SIGLEC14: variants seen among roughly 807,000 people sequenced by gnomAD.
SIGLEC14 encodes sialic acid-binding Ig-like lectin 14.
Under a neutral mutation model 34.2 loss-of-function variants are expected in SIGLEC14, and 11 were observed. The ratio of observed to expected loss-of-function variants is 0.32; its 90% CI spans 0.20 to 0.53. The LOEUF is 0.53. Among genes scored for constraint, SIGLEC14 ranks in the 20% least tolerant of loss-of-function variants. SIGLEC14 has a pLI of 0.95. For missense variants in SIGLEC14, 264 were observed against 439.0 expected (o/e 0.60, Z 3.56); for synonymous variants, 99 against 179.7 (o/e 0.55, Z 3.59).
intron 6 of SIGLEC14, 54 bp downstream of exon 6, chr19:51,643,483 G>GGGGGGGGGGGCCCCCCCCCCC: frequency 7.7e-7 from 1 of 1,297,882 alleles, no homozygotes; most frequent in Non-Finnish European, 1.0e-6. Context: ...GGGCAGGACA[G>GGGGGGGGGGGCCCCCCCCCCC]CTCAGCCCCA....
Position 51,645,588 on chromosome 19 carries a change from C to G in SIGLEC14, c.701-58G>C. The G allele has an allele frequency of 2.0e-6, 3 of 1,493,098 alleles. No individual in the cohort carries two copies. In the South Asian group the frequency reaches 3.7e-5, roughly 18 times the overall value. The allele number at this position is 1,493,098 out of a possible 1,614,324, so 92.5% of individuals were successfully genotyped here. A position where few individuals can be genotyped will look rare whatever the true frequency, so the allele number is the denominator to read the frequency against. ...GGTGACAAGAGGGATGGGCGTGGTC[C>G]CGGGAGGGACCCAAGGAGGGGCCAC... On this transcript the variant is annotated intron_variant, in intron 3 of 6. Transcript: ENST00000360844.
chr19:51,645,683 TTC>T (rs746283101), intron 3 of SIGLEC14, 97 bp downstream of exon 3: 849 of 1,321,322 alleles, frequency 6.4e-4, no homozygotes, highest in Middle Eastern at 8.5e-4. Context: ...ATCATTCTCT[TTC>T]TCTCTCTCTC....
rs575758563 is a variant in SIGLEC14, at chr19:51,643,742, C to T, written c.1012+37G>A. 1.5e-5 allele frequency: 23 copies of T among 1,513,930 alleles called. 5 individuals are homozygous for T. Among genetic ancestry groups the T allele is most frequent in the South Asian group, 2.5e-5 (2 of 80,378 alleles). 93.8% of individuals were successfully genotyped at this position (1,513,930 alleles called of 1,614,324 possible). A position where few individuals can be genotyped will look rare whatever the true frequency, so the allele number is the denominator to read the frequency against. Reference sequence around the variant, plus strand: ...CCTCCCACCAACCTGAATACCTCACCGGGCTGTCTACCCTCAGCACCTGTC... The same window carrying T: ...CCTCCCACCAACCTGAATACCTCACTGGGCTGTCTACCCTCAGCACCTGTC... On this transcript the variant is annotated intron_variant, in intron 5 of 6. Transcript: ENST00000360844.
At chr19:51,644,369 C>A (rs1253193724) in intron 4 of SIGLEC14, among the ~76,000 whole-genome samples, 1 of 137,036 alleles carries the variant, frequency 7.3e-6, no homozygotes, top group East Asian at 3.4e-4. Context: ...TCCCAAGACA[C>A]GATAATGGAG....
At position 51,641,823 on chromosome 19, in the gene SIGLEC14, G is replaced by A. The variant is rs910318471; in HGVS notation, c.*1532C>T. 7.2e-6 allele frequency among the ~76,000 whole-genome samples: 1 copy of A among 138,640 alleles called. No homozygotes were observed. Among genetic ancestry groups the A allele is most frequent in the African/African-American group, 2.7e-5 (1 of 36,380 alleles). The allele number at this position is 138,640 out of a possible 152,430, so 91.0% of individuals were successfully genotyped here. ...GAAGGTGGGAGGAGGGAGAGGATGA[G>A]GAAAATAACTAATGGGTACTAGGCT... On this transcript the variant is annotated 3_prime_UTR_variant, in exon 7 of 7. Coordinates refer to ENST00000360844, the MANE Select transcript of SIGLEC14 (RefSeq NM_001098612.3).
At position 51,640,862 on chromosome 19, in the gene SIGLEC14, C is replaced by T. The variant is rs779846100; in HGVS notation, c.*2493G>A. Among the ~76,000 whole-genome samples, 9 of 138,048 alleles carry T rather than the reference C, an allele frequency of 6.5e-5. 1 individual carries two copies. Among genetic ancestry groups the T allele is most frequent in the Non-Finnish European group, 1.4e-4 (9 of 64,684 alleles). 90.6% of individuals were successfully genotyped at this position (138,048 alleles called of 152,430 possible). ...TGATGGTGCGTGCCTGTAATCCAAG[C>T]TATTTGGGAGGCTGAGGCAGGAGAA... On this transcript the variant is annotated 3_prime_UTR_variant, in exon 7 of 7. Coordinates refer to ENST00000360844, the MANE Select transcript of SIGLEC14 (RefSeq NM_001098612.3).
rs1983944517 is a variant in SIGLEC14, at chr19:51,643,157, G to A, written c.*198C>T. ...GAGAAGGGCAGGTGGAGAGGGGATG[G>A]GGTGCAGATGGGGATGCAGGTGTGG... On this transcript the variant is annotated 3_prime_UTR_variant, in exon 7 of 7. Transcript: ENST00000360844. 5.6e-6 allele frequency: 3 copies of A among 532,886 alleles called. No homozygotes were observed. Among genetic ancestry groups the A allele is most frequent in the Non-Finnish European group, 9.8e-6 (3 of 306,322 alleles). The allele number at this position is 532,886 out of a possible 1,614,324, so 33.0% of individuals were successfully genotyped here. A position where few individuals can be genotyped will look rare whatever the true frequency, so the allele number is the denominator to read the frequency against.
Position 51,639,491 on chromosome 19 carries a change from A to T in SIGLEC14, c.*3864T>A, listed in dbSNP as rs1340960445. On this transcript the variant is annotated 3_prime_UTR_variant, in exon 7 of 7. Coordinates refer to ENST00000360844, the MANE Select transcript of SIGLEC14 (RefSeq NM_001098612.3). ...CCTTAGGCTGGGTGATTTATAAACA[A>T]CAGAAATTTATTTCTCATAATTCTG... The T allele has an allele frequency of 7.1e-6, 1 of 139,942 alleles. No homozygotes were observed. The allele number at this position is 139,942 out of a possible 1,614,324, so 8.7% of individuals were successfully genotyped here.
rs762821013 is a variant in SIGLEC14 at position 51,646,333 on chromosome 19, G to A, written c.345C>T (p.Ser115=). ...IGDARMEDTG[S]YFFRVERGRD... ...TTCCTCTCTCCACGCGGAAGAAATA[G>A]CTTCCCGTGTCCTCCATTCTGGCAT... Residue 115 remains serine (S), a synonymous_variant, in exon 2 of 7, where the codon AGC becomes AGT. Transcript: ENST00000360844. 2.1e-5 allele frequency: 27 copies of A among 1,258,466 alleles called. 4 individuals carry two copies. In the East Asian group the frequency reaches 2.6e-4, roughly 12 times the overall value. 78.0% of individuals were successfully genotyped at this position (1,258,466 alleles called of 1,614,324 possible).
intron 4 of SIGLEC14, among the ~76,000 whole-genome samples, chr19:51,644,794 T>A (rs1983996670): frequency 7.3e-6 from 1 of 137,688 alleles, no homozygotes; most frequent in Non-Finnish European, 1.5e-5. Flanking sequence ...AATGTGCAGA[T>A]CTGTGCCTCA....
rs1983961321 is a variant in SIGLEC14, at chr19:51,643,653, T to C, written c.1032A>G (p.Ile344Met). 1.3e-6 allele frequency: 2 copies of C among 1,530,810 alleles called. No individual in the cohort carries two copies. The highest frequency in any genetic ancestry group is 1.8e-6 in the Non-Finnish European group (2 of 1,140,654). 94.8% of individuals were successfully genotyped at this position (1,530,810 alleles called of 1,614,324 possible). The change falls in exon 6 of 7, where the codon ATA becomes ATG. Residue 344 changes from isoleucine (I) to methionine (M), a missense_variant. Physicochemically the swap from Ile to Met is conservative, Grantham distance 10 (BLOSUM62 1). Coordinates refer to ENST00000360844, the MANE Select transcript of SIGLEC14 (RefSeq NM_001098612.3). ...AGCCCTGCTGTTTCTCAGTTACACA[T>C]ATGCAGGAAGAGGAGCTTCCTGGGA... ...LSVQRSSSSC[I>M]CVTEKQQGSW...
rs1289749073 is a variant in SIGLEC14 at position 51,643,343 on chromosome 19, A to C, written c.*12T>G. On this transcript the variant is annotated 3_prime_UTR_variant, in exon 7 of 7. Coordinates refer to ENST00000360844, the MANE Select transcript of SIGLEC14 (RefSeq NM_001098612.3). Reference sequence around the variant, plus strand: ...GTGTCCACACCTCAGTTCTGTCTTGAGCGGGAGGGGCTCAGCCAGGCCTCT... The same window carrying C: ...GTGTCCACACCTCAGTTCTGTCTTGCGCGGGAGGGGCTCAGCCAGGCCTCT... 3 of 1,524,136 alleles carry C rather than the reference A, an allele frequency of 2.0e-6. 1 individual carries two copies. In the Admixed American group the frequency reaches 5.2e-5, roughly 26 times the overall value. The allele number at this position is 1,524,136 out of a possible 1,614,324, so 94.4% of individuals were successfully genotyped here.
intron 4 of SIGLEC14, among the ~76,000 whole-genome samples, chr19:51,644,861 C>A (rs1983997716): frequency 7.3e-6 from 1 of 136,684 alleles, no homozygotes; most frequent in Admixed American, 7.0e-5. Flanking sequence ...AAGGAGAGAT[C>A]GGATTACTCA....
In SIGLEC14 at chr19:51,643,223, G is replaced by T. The variant is rs1199010905; in HGVS notation, c.*132C>A. 58 of 866,228 alleles carry T rather than the reference G, an allele frequency of 6.7e-5. 8 individuals carry two copies. In the African/African-American group the frequency reaches 9.7e-4, roughly 15 times the overall value. The allele number at this position is 866,228 out of a possible 1,614,324, so 53.7% of individuals were successfully genotyped here. A position where few individuals can be genotyped will look rare whatever the true frequency, so the allele number is the denominator to read the frequency against. Reference sequence around the variant, plus strand: ...AAGCAGAGGGGAATAAGTAGAAGGGGTATGGGGCAGGAAGGAAAAGAGGGG... The same window carrying T: ...AAGCAGAGGGGAATAAGTAGAAGGGTTATGGGGCAGGAAGGAAAAGAGGGG... On this transcript the variant is annotated 3_prime_UTR_variant, in exon 7 of 7. Coordinates refer to ENST00000360844, the MANE Select transcript of SIGLEC14 (RefSeq NM_001098612.3).
chr19:51,643,479 G>GGGGGGGGCCC, intron 6 of SIGLEC14, 58 bp downstream of exon 6: 1 of 1,296,398 alleles, frequency 7.7e-7, no homozygotes, highest in Non-Finnish European at 1.0e-6. Context: ...CCTGGGGCAG[G>GGGGGGGGCCC]ACAGCTCAGC....
intron 6 of SIGLEC14, 58 bp downstream of exon 6, chr19:51,643,479 G>GGGGGGGGGGGGGGGGGGGGGGCCCCC: frequency 7.7e-7 from 1 of 1,296,398 alleles, no homozygotes; most frequent in Non-Finnish European, 1.0e-6. Context: ...CCTGGGGCAG[G>GGGGGGGGGGGGGGGGGGGGGGCCCCC]ACAGCTCAGC....
chr19:51,645,727 C>CACACACACACACACACA (rs769894907), intron 3 of SIGLEC14, 55 bp downstream of exon 3: 1 of 1,233,114 alleles, frequency 8.1e-7, no homozygotes, highest in South Asian at 1.5e-5. Context: ...CACACACACA[C>CACACACACACACACACA]CCCCCTCACT....
rs199874894 is a variant in SIGLEC14 at position 51,643,962 on chromosome 19, C to A, written c.829G>T (p.Asp277Tyr). 32 of 1,533,708 alleles carry A rather than the reference C, an allele frequency of 2.1e-5. 8 individuals carry two copies. The African/African-American group carries it at 4.3e-4, about 20-fold the overall frequency. ...GQSLFLACTV[D>Y]SNPPASLSWF... ...CTCAGTGAGGCAGGGGGGTTGCTGT[C>A]AACTGTGCAGGCGAGGAACAGGGAC... Residue 277 changes from aspartate (D) to tyrosine (Y), a missense_variant, in exon 5 of 7, where the codon GAC (aspartate) becomes TAC (tyrosine). Asp to Tyr is a radical substitution (Grantham distance 160). Transcript: ENST00000360844.
chr19:51,643,572 G>A lies in SIGLEC14; in HGVS notation c.1113C>T (p.Leu371=). ...IRGALMGAGF[L]LTYGLTWIYY... ...AGATCCAGGTGAGGCCATAGGTGAG[G>A]AGGAAGCCAGCCCCCATGAGAGCCC... The change falls in exon 6 of 7, where the codon CTC becomes CTT. Residue 371 remains leucine, a synonymous_variant. Coordinates refer to ENST00000360844, the MANE Select transcript of SIGLEC14 (RefSeq NM_001098612.3). 6.5e-7 allele frequency: 1 copy of A among 1,529,200 alleles called. No individual in the cohort carries two copies. The highest frequency in any genetic ancestry group is 8.8e-7 in the Non-Finnish European group (1 of 1,140,200). The allele number at this position is 1,529,200 out of a possible 1,614,324, so 94.7% of individuals were successfully genotyped here.
Sources: gnomAD v4.1 joint callset for allele counts (sites outside exome capture counted in the v4.1 genomes callset) on GRCh38, gnomAD v4.1.1 for gene constraint, MANE v1.5 for transcripts, NCBI Gene and HGNC (gene_info 2026-07-23, HGNC 2026-07-21) for gene names.